LHFPL3: variants seen among roughly 807,000 people sequenced by gnomAD.
LHFPL3 encodes LHFPL tetraspan subfamily member 3 protein.
In LHFPL3, 5 loss-of-function variants were observed where a neutral mutation model predicts 19.3. The ratio of observed to expected loss-of-function variants is 0.26; its 90% confidence interval spans 0.14 to 0.54. The LOEUF is 0.54. LHFPL3 is among the 20% of genes least tolerant of loss of function. The pLI is 0.94. For synonymous variants in LHFPL3, 133 were observed against 126.2 expected, an observed-to-expected ratio of 1.05 and a Z score of -0.36; for missense variants, 249 against 307.4, an observed-to-expected ratio of 0.81 and a Z score of 1.42.
At chr7:104,358,038 C>A (rs946054473) in intron 1 of LHFPL3, among the ~76,000 whole-genome samples, 1 of 152,172 alleles carries the variant, frequency 6.6e-6, no homozygotes, top group Non-Finnish European at 1.5e-5. Flanking sequence ...AGGCAATTTA[C>A]AGCAATGGCG....
chr7:104,535,348 A>C (rs979253463), intron 1 of LHFPL3, among the ~76,000 whole-genome samples: 1 of 152,212 alleles, frequency 6.6e-6, no homozygotes, highest in Non-Finnish European at 1.5e-5. Context: ...AAGAAGTTGT[A>C]TTTGGCTACA....
chr7:104,860,859 T>C (rs900438414), intron 2 of LHFPL3, among the ~76,000 whole-genome samples: 6 of 152,160 alleles, frequency 3.9e-5, no homozygotes, highest in African/African-American at 1.2e-4. Flanking sequence ...CAGGGACACA[T>C]AGAGTGTGCT....
At chr7:104,879,913 G>C (rs78757293) in intron 2 of LHFPL3, among the ~76,000 whole-genome samples, 36 of 152,280 alleles carry the variant, frequency 2.4e-4, no homozygotes, top group African/African-American at 7.0e-4. Flanking sequence ...GCTTCAAAGA[G>C]CCAGGTGTGA....
At position 104,438,715 on chromosome 7, in the gene LHFPL3, A is replaced by T. The variant is rs1792158955; in HGVS notation, c.445+109491A>T. Among the ~76,000 whole-genome samples the T allele has an allele frequency of 2.0e-5, 3 of 152,200 alleles. No individual in the cohort carries two copies. In the South Asian group the frequency reaches 6.2e-4, roughly 31 times the overall value. On this transcript the variant is annotated intron_variant, in intron 1 of 2. Coordinates refer to ENST00000424859, the MANE Select transcript of LHFPL3 (RefSeq NM_199000.3). ...GGTAAAAAAAAAGATAAGCAAACAAATCCAAAAGTAAGTAGAATGAAGGAA... is the reference window on the plus strand; with the variant it reads ...GGTAAAAAAAAAGATAAGCAAACAATTCCAAAAGTAAGTAGAATGAAGGAA...
intron 1 of LHFPL3, among the ~76,000 whole-genome samples, chr7:104,548,263 G>A (rs566352327): frequency 6.6e-6 from 1 of 152,206 alleles, no homozygotes; most frequent in Admixed American, 6.5e-5. Flanking sequence ...AGTTGCATGT[G>A]TGTACACAAG....
chr7:104,521,592 T>G (rs1476551190), intron 1 of LHFPL3, among the ~76,000 whole-genome samples: 7 of 151,712 alleles, frequency 4.6e-5, no homozygotes, highest in Non-Finnish European at 8.8e-5. Flanking sequence ...ACCATCAGAG[T>G]GAACAGGCAA....
chr7:104,802,646 G>T (rs13223089), intron 2 of LHFPL3, among the ~76,000 whole-genome samples: 4 of 152,012 alleles, frequency 2.6e-5, no homozygotes, highest in Non-Finnish European at 4.4e-5. Flanking sequence ...CTCTAAAATT[G>T]TAAGAAATAA....
chr7:104,358,852 T>C (rs1790335961), intron 1 of LHFPL3, among the ~76,000 whole-genome samples: 1 of 152,256 alleles, frequency 6.6e-6, no homozygotes, highest in Non-Finnish European at 1.5e-5. Flanking sequence ...CTGTGATTTG[T>C]GGATCCTTTC....
At chr7:104,351,025 G>A (rs970777725) in intron 1 of LHFPL3, among the ~76,000 whole-genome samples, 30 of 141,072 alleles carry the variant, frequency 2.1e-4, no homozygotes, top group African/African-American at 7.1e-4. Context: ...GGGCAACAGA[G>A]CAAGACTCCC....
At chr7:104,795,198 C>T (rs1441278325) in intron 2 of LHFPL3, among the ~76,000 whole-genome samples, 2 of 152,128 alleles carry the variant, frequency 1.3e-5, no homozygotes, top group African/African-American at 4.8e-5. Context: ...TTGGCACAAA[C>T]ATAGAAGTGT....
chr7:104,729,640 G>C (rs999665798), intron 1 of LHFPL3, among the ~76,000 whole-genome samples: 2 of 151,884 alleles, frequency 1.3e-5, no homozygotes, highest in African/African-American at 4.8e-5. Flanking sequence ...TCTGTGCCTG[G>C]CTTATTTCAC....
intron 1 of LHFPL3, among the ~76,000 whole-genome samples, chr7:104,704,923 A>G (rs1793165183): frequency 6.6e-6 from 1 of 152,202 alleles, no homozygotes; most frequent in Non-Finnish European, 1.5e-5. Flanking sequence ...GGCATGAGCC[A>G]TTGCACTGAG....
At chr7:104,560,958 G>A (rs1354996089) in intron 1 of LHFPL3, among the ~76,000 whole-genome samples, 143 of 146,742 alleles carry the variant, frequency 9.7e-4, no homozygotes, top group African/African-American at 2.1e-3. Flanking sequence ...TCATTCAGGA[G>A]CAGGTTGTTC....
intron 1 of LHFPL3, among the ~76,000 whole-genome samples, chr7:104,484,582 T>C (rs1249759132): frequency 6.6e-6 from 1 of 152,228 alleles, no homozygotes; most frequent in Non-Finnish European, 1.5e-5. Context: ...CTAAAGTACC[T>C]CACACAGAGC....
At chr7:104,606,645 A>G (rs1008302905) in intron 1 of LHFPL3, among the ~76,000 whole-genome samples, 1 of 151,604 alleles carries the variant, frequency 6.6e-6, no homozygotes, top group Non-Finnish European at 1.5e-5. Context: ...CCTGCTGCAC[A>G]GAAAAAATCA....
At chr7:104,351,776 T>A (rs1790178793) in intron 1 of LHFPL3, among the ~76,000 whole-genome samples, 1 of 152,218 alleles carries the variant, frequency 6.6e-6, no homozygotes, top group South Asian at 2.1e-4. Context: ...ATGCCAAGTA[T>A]TAGGAAAGAT....
chr7:104,664,350 A>T (rs1316442348), intron 1 of LHFPL3, among the ~76,000 whole-genome samples: 1 of 152,190 alleles, frequency 6.6e-6, no homozygotes, highest in Non-Finnish European at 1.5e-5. Flanking sequence ...TTTTGAATAC[A>T]TGCTAAAATA....
chr7:104,841,936 G>A (rs4730053), intron 2 of LHFPL3, among the ~76,000 whole-genome samples: 33,251 of 151,858 alleles, frequency 0.22, 3,896 homozygotes, highest in South Asian at 0.41. Context: ...AGATAAAAGA[G>A]GCCGGATGAG....
intron 2 of LHFPL3, among the ~76,000 whole-genome samples, chr7:104,881,610 C>T (rs952670874): frequency 3.4e-4 from 52 of 152,314 alleles, no homozygotes; most frequent in African/African-American, 1.2e-3. Flanking sequence ...GGAACCTACT[C>T]CTGCTGAAGT....
Sources: gnomAD v4.1 joint callset for allele counts (sites outside exome capture counted in the v4.1 genomes callset) on GRCh38, gnomAD v4.1.1 for gene constraint, MANE v1.5 for transcripts, NCBI Gene and HGNC (gene_info 2026-07-23, HGNC 2026-07-21) for gene names.